The following TENM2 variants were observed in gnomAD, a reference collection of about 807,000 sequenced individuals.
TENM2 encodes the protein teneurin-2.
In TENM2, 52 loss-of-function variants were observed where a neutral mutation model predicts 245.2. That is an observed-to-expected ratio of 0.21 (90% confidence interval 0.17 to 0.27). The LOEUF is 0.27. Ranked by LOEUF, TENM2 falls within the 10% of genes least tolerant of loss-of-function variation. The probability of loss-of-function intolerance (pLI) is 1.00; values close to 1 mark genes in which losing one functional copy is unlikely to be tolerated. For synonymous variants in TENM2, 1,363 were observed against 1,438.9 expected, an observed-to-expected ratio of 0.95 and a Z score of 1.19; for missense variants, 3,046 against 3,666.8, an observed-to-expected ratio of 0.83 and a Z score of 4.37.
At chr5:167,163,958 C>T in the TENM2 span, among the ~76,000 whole-genome samples, 1 of 152,194 alleles carries the variant, frequency 6.6e-6, no homozygotes, top group South Asian at 2.1e-4. Flanking sequence ...TGAGCCTTCA[C>T]CTACCAAGAA....
intron 2 of TENM2, among the ~76,000 whole-genome samples, chr5:167,527,861 A>G (rs575921608): frequency 6.6e-6 from 1 of 152,202 alleles, no homozygotes; most frequent in Admixed American, 6.5e-5. Flanking sequence ...TTAACCTTCA[A>G]TGTACTAACA....
intron 13 of TENM2, among the ~76,000 whole-genome samples, chr5:168,170,757 G>A (rs555799592): frequency 7.2e-5 from 11 of 152,144 alleles, no homozygotes; most frequent in African/African-American, 1.9e-4. Context: ...GCCAGAGGGA[G>A]TGTTTTAGTA....
the TENM2 span, among the ~76,000 whole-genome samples, chr5:167,053,511 A>G: frequency 1.3e-5 from 2 of 152,278 alleles, no homozygotes; most frequent in Middle Eastern, 3.4e-3. Context: ...TAAACTGGCT[A>G]TAACTCCAAA....
At chr5:167,436,466 A>G (rs1460032271) in intron 2 of TENM2, among the ~76,000 whole-genome samples, 2 of 152,150 alleles carry the variant, frequency 1.3e-5, no homozygotes, top group Admixed American at 6.5e-5. Flanking sequence ...GACAGCAAAA[A>G]AGTTTGGAAA....
intron 27 of TENM2, among the ~76,000 whole-genome samples, chr5:168,254,186 A>G (rs11743859): frequency 0.44 from 66,972 of 151,792 alleles, 16,735 homozygotes; most frequent in South Asian, 0.59. Flanking sequence ...AGAACGTGAG[A>G]AGAGGAGAGT....
At chr5:167,364,080 G>A (rs1759891805) in intron 1 of TENM2, among the ~76,000 whole-genome samples, 1 of 149,026 alleles carries the variant, frequency 6.7e-6, no homozygotes, top group African/African-American at 2.4e-5. Context: ...GAAGCATTTA[G>A]AGAGAAAAAG....
At chr5:167,288,236 A>G (rs189098312) in intron 1 of TENM2, among the ~76,000 whole-genome samples, 3 of 152,282 alleles carry the variant, frequency 2.0e-5, no homozygotes, top group Admixed American at 6.5e-5. Flanking sequence ...GGTATATTAA[A>G]CAAACAACAA....
the TENM2 span, among the ~76,000 whole-genome samples, chr5:167,174,109 GT>G: frequency 0.019 from 2,662 of 141,262 alleles, 70 homozygotes; most frequent in African/African-American, 0.063. Context: ...GAGTTTTCTC[GT>G]TTTTTTTTTT....
chr5:167,733,701 C>T (rs547409510), intron 2 of TENM2, among the ~76,000 whole-genome samples: 113 of 152,294 alleles, frequency 7.4e-4, no homozygotes, highest in Middle Eastern at 3.4e-3. Context: ...TTCTTTTAAA[C>T]GGAAGGGCCC....
intron 4 of TENM2, among the ~76,000 whole-genome samples, chr5:167,974,022 A>AGGAGGGAAG (rs1554163732): frequency 1.5e-5 from 1 of 66,314 alleles, no homozygotes; most frequent in African/African-American, 1.1e-4. Flanking sequence ...GGAGGGAGGG[A>AGGAGGGAAG]GGAAGGAAGG....
chr5:167,283,896 C>A (rs1230991235), upstream of TENM2, among the ~76,000 whole-genome samples: 2 of 152,132 alleles, frequency 1.3e-5, no homozygotes. Flanking sequence ...GTGTCAAATG[C>A]CAGACTGTGG....
At chr5:167,770,704 G>A (rs1345109824) in intron 2 of TENM2, among the ~76,000 whole-genome samples, 1 of 152,122 alleles carries the variant, frequency 6.6e-6, no homozygotes, top group Non-Finnish European at 1.5e-5. Context: ...TGTAGGGTCT[G>A]TTACGTAAGT....
chr5:167,600,102 CG>C (rs1776536160), intron 2 of TENM2, among the ~76,000 whole-genome samples: 1 of 22,586 alleles, frequency 4.4e-5, no homozygotes. Flanking sequence ...TTATAGGATA[CG>C]TGGAACTCAG....
At chr5:167,926,159 A>T (rs1777747063) in intron 3 of TENM2, among the ~76,000 whole-genome samples, 1 of 152,202 alleles carries the variant, frequency 6.6e-6, no homozygotes, top group Non-Finnish European at 1.5e-5. Context: ...GAGTATGATG[A>T]ACCTGAATAC....
chr5:167,803,547 C>G (rs1765932320), intron 2 of TENM2, among the ~76,000 whole-genome samples: 1 of 152,080 alleles, frequency 6.6e-6, no homozygotes, highest in South Asian at 2.1e-4. Flanking sequence ...ACCTGTAGGG[C>G]TCCTGTGGAG....
intron 5 of TENM2, among the ~76,000 whole-genome samples, chr5:168,031,134 C>T (rs978262845): frequency 7.2e-5 from 11 of 152,176 alleles, no homozygotes; most frequent in Non-Finnish European, 1.6e-4. Flanking sequence ...TCAAGCTTCA[C>T]CACAAAAGTG....
the TENM2 span, among the ~76,000 whole-genome samples, chr5:167,254,446 C>T: frequency 6.6e-6 from 1 of 152,144 alleles, no homozygotes; most frequent in East Asian, 1.9e-4. Context: ...AGTCATCCCT[C>T]CACCCAGCTA....
At chr5:167,133,824 GAA>G in the TENM2 span, among the ~76,000 whole-genome samples, 3,613 of 133,404 alleles carry the variant, frequency 0.027, 140 homozygotes, top group African/African-American at 0.092. Context: ...TGCTTGGGGC[GAA>G]AAAAAAAAAG....
chr5:168,019,874 A>G (rs1785990174), intron 5 of TENM2, among the ~76,000 whole-genome samples: 1 of 152,258 alleles, frequency 6.6e-6, no homozygotes, highest in African/African-American at 2.4e-5. Context: ...AAAGGCTTTA[A>G]AAGCACCCAC....
Sources: gnomAD v4.1 joint callset for allele counts (sites outside exome capture counted in the v4.1 genomes callset) on GRCh38, gnomAD v4.1.1 for gene constraint, MANE v1.5 for transcripts, NCBI Gene and HGNC (gene_info 2026-07-23, HGNC 2026-07-21) for gene names.